PCDHGA3: variants seen among roughly 807,000 people sequenced by gnomAD.
PCDHGA3 encodes protocadherin gamma subfamily A, 3.
In PCDHGA3, 40 loss-of-function variants were observed where a neutral mutation model predicts 58.5. The ratio of observed to expected loss-of-function variants is 0.68; its 90% confidence interval spans 0.53 to 0.89. The LOEUF is 0.89. Ranked by LOEUF, PCDHGA3 falls within the 40% of genes least tolerant of loss-of-function variation. The pLI is 0.00. For synonymous variants in PCDHGA3, 530 were observed against 525.7 expected (o/e 1.01, Z -0.11); for missense variants, 1,223 against 1,195.9 (o/e 1.02, Z -0.33).
chr5:141,494,742 G>A (rs1223104681), intron 1 of PCDHGA3, 65 bp from the exon 2 acceptor site: 10 of 1,611,946 alleles, frequency 6.2e-6, no homozygotes, highest in Non-Finnish European at 8.5e-6. Context: ...CCCATCCCTA[G>A]GGGCTCGGGT....
At chr5:141,408,917 C>G in intron 1 of PCDHGA3, 1 of 1,613,366 alleles carries the variant, frequency 6.2e-7, no homozygotes, top group South Asian at 1.1e-5. Flanking sequence ...CAATGATAAC[C>G]CCCCGGTTTT....
Position 141,403,639 on chromosome 5 carries a change from T to C in PCDHGA3, c.2424+57182T>C, listed in dbSNP as rs377402370. On this transcript the variant is annotated intron_variant, in intron 1 of 3. Coordinates refer to ENST00000253812, the MANE Select transcript of PCDHGA3 (RefSeq NM_018916.4). ...GTCGCTCCAGCACAGTGCGCATCCA[T>C]GTGACAGTGTTGGATACAAATGATA... 1.4e-4 allele frequency: 219 copies of C among 1,613,892 alleles called. 1 individual carries two copies. The East Asian group carries it at 4.5e-3, about 33-fold the overall frequency.
intron 1 of PCDHGA3, chr5:141,365,466 A>C: frequency 6.2e-7 from 1 of 1,614,016 alleles, no homozygotes; most frequent in African/African-American, 1.3e-5. Flanking sequence ...TCTGGAGAAA[A>C]TGGTGAGATT....
chr5:141,351,086 T>C (rs1440680025), intron 1 of PCDHGA3: 4 of 1,613,922 alleles, frequency 2.5e-6, no homozygotes, highest in African/African-American at 2.7e-5. Context: ...AGAGATCACC[T>C]ATGCCTTCCT....
chr5:141,464,377 T>A (rs1410334231), intron 1 of PCDHGA3, among the ~76,000 whole-genome samples: 3 of 151,486 alleles, frequency 2.0e-5, no homozygotes, highest in Admixed American at 2.0e-4. Flanking sequence ...TTTTGCAATA[T>A]AAAAAATGCT....
In PCDHGA3 at chr5:141,345,910, T is replaced by A. The variant is rs200807803; in HGVS notation, c.1877T>A (p.Val626Glu). ...TCGGTGGGTCTGCACACGGGCGAGG[T>A]GCGCACGGCGCGAGCCCTGCTGGAC... ...LFSVGLHTGE[V>E]RTARALLDRD... Residue 626 changes from valine (V) to glutamate (E), a missense_variant, in exon 1 of 4, where the codon GTG becomes GAG. Physicochemically the swap from Val to Glu is moderately radical, Grantham distance 121 (BLOSUM62 -2). Around this residue, in one of 3 missense-constraint regions of PCDHGA3, gnomAD observed 107 missense variants for 159.8 expected, o/e 0.67. Coordinates refer to ENST00000253812, the MANE Select transcript of PCDHGA3 (RefSeq NM_018916.4). 37 of 1,609,936 alleles carry A rather than the reference T, an allele frequency of 2.3e-5. No individual in the cohort carries two copies. Among genetic ancestry groups the A allele is most frequent in the South Asian group, 3.3e-5 (3 of 90,810 alleles).
chr5:141,375,539 CAA>C lies in PCDHGA3; in HGVS notation c.2424+29083_2424+29084del, dbSNP rs761563017. The C allele has an allele frequency of 1.7e-5, 28 of 1,613,986 alleles. No homozygotes were observed. The East Asian group carries it at 6.0e-4, about 35-fold the overall frequency. On this transcript the variant is annotated intron_variant, in intron 1 of 3. Transcript: ENST00000253812. ...GGACCCTGACGTGGACCAGAACGCC[CAA>C]GTCTCCTACTCACTGGCAGAAGACA...
chr5:141,403,616 C>T (rs2094434764), intron 1 of PCDHGA3: 1 of 1,613,774 alleles, frequency 6.2e-7, no homozygotes, highest in South Asian at 1.1e-5. Flanking sequence ...CGAGCCGCGT[C>T]GCTCCAGCAC....
At chr5:141,421,363 G>T (rs749916401) in intron 1 of PCDHGA3, 2 of 1,613,898 alleles carry the variant, frequency 1.2e-6, no homozygotes, top group South Asian at 2.2e-5. Flanking sequence ...GGGCTCCTTC[G>T]TGGGCAATAT....
intron 1 of PCDHGA3, among the ~76,000 whole-genome samples, chr5:141,450,829 ATTT>A (rs373424450): frequency 7.4e-6 from 1 of 135,126 alleles, no homozygotes; most frequent in African/African-American, 2.7e-5. Flanking sequence ...TATTATTATT[ATTT>A]TTTTTTTTTT....
At chr5:141,455,411 G>T (rs1292246147) in intron 1 of PCDHGA3, among the ~76,000 whole-genome samples, 1 of 152,096 alleles carries the variant, frequency 6.6e-6, no homozygotes, top group Non-Finnish European at 1.5e-5. Context: ...AGAGACAGAG[G>T]GAGCGGGGCT....
rs1329649336 is a variant in PCDHGA3, at chr5:141,477,589, GCTTT to G, written c.2425-17207_2425-17204del. 2 of 1,614,130 alleles carry G rather than the reference GCTTT, an allele frequency of 1.2e-6. No homozygotes were observed. Among genetic ancestry groups the G allele is most frequent in the South Asian group, 1.1e-5 (1 of 91,086 alleles). ...ACCCCGACGCCCCGCAGAATGCTCGGCTTTCTTTCTTTCTCTTGGAGCAAGGAGC... is the reference window on the plus strand; with the variant it reads ...ACCCCGACGCCCCGCAGAATGCTCGGCTTTCTTTCTCTTGGAGCAAGGAGC... On this transcript the variant is annotated intron_variant, in intron 1 of 3. Coordinates refer to ENST00000253812, the MANE Select transcript of PCDHGA3 (RefSeq NM_018916.4). The surrounding 1 kb of genome is among the most constrained non-coding windows in gnomAD (Gnocchi z 4.9).
rs775674745 is a variant in PCDHGA3 at position 141,371,722 on chromosome 5, T to C, written c.2424+25265T>C. The C allele has an allele frequency of 3.1e-5, 50 of 1,613,944 alleles. No homozygotes were observed. In the South Asian group the frequency reaches 5.4e-4, roughly 17 times the overall value. On this transcript the variant is annotated intron_variant, in intron 1 of 3. Coordinates refer to ENST00000253812, the MANE Select transcript of PCDHGA3 (RefSeq NM_018916.4). ...AGCAAGACCATCACTCTGCACATCC[T>C]TGATGTCAACGACAACGTTCCCGTT...
intron 1 of PCDHGA3, chr5:141,360,456 T>C: frequency 6.2e-7 from 1 of 1,613,990 alleles, no homozygotes; most frequent in Non-Finnish European, 8.5e-7. Flanking sequence ...TGGATTTCGA[T>C]ACTGTCGCTG....
At chr5:141,447,576 A>G (rs758449068) in intron 1 of PCDHGA3, among the ~76,000 whole-genome samples, 6 of 152,214 alleles carry the variant, frequency 3.9e-5, no homozygotes, top group African/African-American at 7.2e-5. Context: ...CTATGTCCAC[A>G]CATACCTTAA....
intron 1 of PCDHGA3, chr5:141,419,226 C>T (rs560904796): frequency 1.9e-6 from 3 of 1,614,006 alleles, no homozygotes; most frequent in East Asian, 2.2e-5. Context: ...GGACAGTCAG[C>T]CTACCTGGTC....
At chr5:141,390,407 G>A in intron 1 of PCDHGA3, 1 of 1,265,446 alleles carries the variant, frequency 7.9e-7, no homozygotes, top group Non-Finnish European at 1.1e-6. Flanking sequence ...TAGGAAAGTT[G>A]TAGTCAGTTA....
At chr5:141,360,543 T>G (rs369225043) in intron 1 of PCDHGA3, 4 of 1,613,952 alleles carry the variant, frequency 2.5e-6, no homozygotes, top group Non-Finnish European at 3.4e-6. Flanking sequence ...TCAAACAGAC[T>G]AAGATTAATT....
chr5:141,495,005 CG>C (rs2099758180), intron 2 of PCDHGA3, 140 bp downstream of exon 2: 2 of 1,522,694 alleles, frequency 1.3e-6, no homozygotes, highest in African/African-American at 1.4e-5. Context: ...TCTTGGTGTG[CG>C]GGGGGCTGGC....
Sources: allele counts gnomAD v4.1 joint callset (sites outside exome capture counted in the v4.1 genomes callset), GRCh38; gene constraint gnomAD v4.1.1; regional missense constraint gnomAD v4.1.1; non-coding constraint Gnocchi (gnomAD v3.1); transcripts MANE v1.5; gene names NCBI Gene and HGNC (gene_info 2026-07-23, HGNC 2026-07-21).